Variants in OCA2 observed in about 807,000 individuals in gnomAD.
OCA2 encodes the protein OCA2 melanosomal transmembrane protein, also known as P protein.
Under a neutral mutation model 100.2 loss-of-function variants are expected in OCA2, and 77 were observed. The ratio of observed to expected loss-of-function variants is 0.77; its 90% CI spans 0.64 to 0.93. The LOEUF (loss-of-function observed/expected upper bound fraction) is 0.93. Among genes scored for constraint, OCA2 ranks in the 40% least tolerant of loss-of-function variants. The pLI is 0.00. For missense variants in OCA2, 1,062 were observed against 1,089.1 expected (o/e 0.98, Z 0.35); for synonymous variants, 432 against 439.2 (o/e 0.98, Z 0.21).
chr15:28,094,816 C>T (rs902369510), intron 1 of OCA2, among the ~76,000 whole-genome samples: 1 of 152,176 alleles, frequency 6.6e-6, no homozygotes, highest in Non-Finnish European at 1.5e-5. Context: ...GCGCGCCAGA[C>T]GCTCACCAAG....
chr15:27,896,154 A>T lies in OCA2; in HGVS notation c.2080-24232T>A, dbSNP rs944261673. 16 of 969,122 alleles carry T rather than the reference A, an allele frequency of 1.7e-5. No homozygotes were observed. In the African/African-American group the frequency reaches 2.4e-4, roughly 14 times the overall value. The allele number at this position is 969,122 out of a possible 1,614,324, so 60.0% of individuals were successfully genotyped here. A position where few individuals can be genotyped will look rare whatever the true frequency, so the allele number is the denominator to read the frequency against. On this transcript the variant is annotated intron_variant, in intron 19 of 23. Transcript: ENST00000354638. ...GGATGCAGGCCTTGCCAGAACTACC[A>T]GTGGCAATGAAGTTTTTGGTGCCCT...
At chr15:27,802,678 CA>C (rs1351517749) in intron 23 of OCA2, among the ~76,000 whole-genome samples, 1 of 152,116 alleles carries the variant, frequency 6.6e-6, no homozygotes, top group Non-Finnish European at 1.5e-5. Flanking sequence ...TCATTTTCTA[CA>C]AATGCTTCTG....
intron 2 of OCA2, among the ~76,000 whole-genome samples, chr15:28,078,112 G>A (rs1308207650): frequency 5.3e-5 from 8 of 152,248 alleles, no homozygotes; most frequent in Non-Finnish European, 8.8e-5. Context: ...TGCATTCCAC[G>A]GACACAATCC....
intron 23 of OCA2, among the ~76,000 whole-genome samples, chr15:27,834,555 T>C (rs929221708): frequency 2.0e-5 from 3 of 152,234 alleles, no homozygotes; most frequent in African/African-American, 7.2e-5. Flanking sequence ...GAGTGCCTGA[T>C]ACCTGTGACT....
intron 23 of OCA2, among the ~76,000 whole-genome samples, chr15:27,826,333 G>A (rs1444153140): frequency 6.7e-6 from 1 of 149,922 alleles, no homozygotes; most frequent in Non-Finnish European, 1.5e-5. Context: ...ACAAGGCACA[G>A]AGAAGTCAAG....
intron 18 of OCA2, among the ~76,000 whole-genome samples, chr15:27,937,289 A>G (rs569509687): frequency 1.1e-4 from 16 of 152,196 alleles, no homozygotes; most frequent in African/African-American, 3.6e-4. Flanking sequence ...TGACTCTCCC[A>G]CCATTTGTCC....
intron 19 of OCA2, among the ~76,000 whole-genome samples, chr15:27,907,097 C>T (rs1050782875): frequency 1.3e-5 from 2 of 152,074 alleles, no homozygotes; most frequent in Admixed American, 6.6e-5. Flanking sequence ...TCCAACACTG[C>T]GATCAAATTT....
rs540000454 is a variant in OCA2, at chr15:27,921,004, A to T, written c.2079+5123T>A. 1.6e-3 allele frequency among the ~76,000 whole-genome samples: 201 copies of T among 125,442 alleles called. 1 individual carries two copies. The highest frequency in any genetic ancestry group is 4.3e-3 in the African/African-American group (173 of 39,774). 82.3% of individuals were successfully genotyped at this position (125,442 alleles called of 152,430 possible). A position where few individuals can be genotyped will look rare whatever the true frequency, so the allele number is the denominator to read the frequency against. ...GAAAAGGAAGAGAATAATTTTTTTT[A>T]AAAAAAGAGAGAATAATATATGTGA... On this transcript the variant is annotated intron_variant, in intron 19 of 23. Coordinates refer to ENST00000354638, the MANE Select transcript of OCA2 (RefSeq NM_000275.3).
intron 21 of OCA2, among the ~76,000 whole-genome samples, chr15:27,854,385 G>GA (rs1342865602): frequency 1.3e-5 from 2 of 152,216 alleles, no homozygotes; most frequent in Admixed American, 1.3e-4. Flanking sequence ...TCTGGTTCTC[G>GA]AGAGTTGCCT....
chr15:27,930,316 G>A (rs1475992497), intron 18 of OCA2, among the ~76,000 whole-genome samples: 1 of 152,100 alleles, frequency 6.6e-6, no homozygotes, highest in Non-Finnish European at 1.5e-5. Flanking sequence ...AGTAATAACA[G>A]GAATGAATTA....
At chr15:27,825,521 G>A (rs1300538368) in intron 23 of OCA2, among the ~76,000 whole-genome samples, 4 of 152,184 alleles carry the variant, frequency 2.6e-5, no homozygotes, top group East Asian at 1.9e-4. Flanking sequence ...CAGCCTGGGC[G>A]CCTGGGCCAA....
intron 21 of OCA2, among the ~76,000 whole-genome samples, chr15:27,862,700 C>G (rs140791341): frequency 0.012 from 1,799 of 152,182 alleles, 25 homozygotes; most frequent in Admixed American, 0.024. Flanking sequence ...GTACCGAACT[C>G]TTGATCTCAG....
intron 14 of OCA2, among the ~76,000 whole-genome samples, chr15:27,972,838 A>C (rs553027702): frequency 0.047 from 2,042 of 43,428 alleles, 109 homozygotes; most frequent in Non-Finnish European, 0.14. Context: ...ATTTTATTTT[A>C]TTTTATTTTA....
intron 23 of OCA2, among the ~76,000 whole-genome samples, chr15:27,772,091 G>A (rs779687901): frequency 2.0e-5 from 3 of 152,248 alleles, no homozygotes; most frequent in East Asian, 1.9e-4. Flanking sequence ...CCGCCTGCGG[G>A]CCCACGAGGA....
At chr15:27,788,729 T>TTGGATTTATATC (rs2032938607) in intron 23 of OCA2, among the ~76,000 whole-genome samples, 2 of 152,128 alleles carry the variant, frequency 1.3e-5, no homozygotes, top group Admixed American at 1.3e-4. Context: ...GTTTATGTGG[T>TTGGATTTATATC]TGGATTTATA....
chr15:28,005,727 C>T (rs1407951144), intron 9 of OCA2, among the ~76,000 whole-genome samples: 1 of 152,180 alleles, frequency 6.6e-6, no homozygotes, highest in East Asian at 1.9e-4. Context: ...AGGTCATTGG[C>T]ATAATCACTC....
chr15:27,952,565 C>T (rs2040069895), intron 17 of OCA2, among the ~76,000 whole-genome samples: 1 of 152,234 alleles, frequency 6.6e-6, no homozygotes, highest in Admixed American at 6.5e-5. Flanking sequence ...GGTAGGCCTG[C>T]CCTGTTAACA....
chr15:27,874,852 A>C (rs912914688), intron 19 of OCA2, among the ~76,000 whole-genome samples: 2 of 152,168 alleles, frequency 1.3e-5, no homozygotes, highest in Non-Finnish European at 2.9e-5. Flanking sequence ...AGTCAAGAAA[A>C]CTAAGGTAAT....
intron 9 of OCA2, among the ~76,000 whole-genome samples, chr15:28,003,462 G>A (rs1312230174): frequency 1.3e-5 from 2 of 152,328 alleles, no homozygotes; most frequent in African/African-American, 2.4e-5. Flanking sequence ...CCCCACGCGC[G>A]CTGCCGCGTT....
Sources: allele counts gnomAD v4.1 joint callset (sites outside exome capture counted in the v4.1 genomes callset), GRCh38; gene constraint gnomAD v4.1.1; transcripts MANE v1.5; gene names NCBI Gene and HGNC (gene_info 2026-07-23, HGNC 2026-07-21).